CLEC5A: variants seen among roughly 807,000 people sequenced by gnomAD.
CLEC5A encodes the protein C-type lectin domain family 5 member A.
Under a neutral mutation model 24.4 loss-of-function variants are expected in CLEC5A, and 15 were observed. The observed-to-expected ratio is 0.62, with a 90% CI of 0.41 to 0.95. CLEC5A has a LOEUF of 0.95. Ranked by LOEUF, CLEC5A falls within the 40% of genes least tolerant of loss-of-function variation. CLEC5A has a pLI of 0.00. For missense variants in CLEC5A, 211 were observed against 224.0 expected, an observed-to-expected ratio of 0.94 and a Z score of 0.37; for synonymous variants, 71 against 72.6, an observed-to-expected ratio of 0.98 and a Z score of 0.11.
intron 5 of CLEC5A, among the ~76,000 whole-genome samples, chr7:141,934,123 T>A (rs1326165516): frequency 1.3e-5 from 2 of 152,184 alleles, no homozygotes; most frequent in African/African-American, 4.8e-5. Context: ...ACCTGACATA[T>A]GCCATGCTAG....
At position 141,929,468 on chromosome 7, in the gene CLEC5A, T is replaced by G. The variant is rs1353412262; in HGVS notation, c.*636A>C. On this transcript the variant is annotated 3_prime_UTR_variant, in exon 7 of 7. Transcript: ENST00000546910. ...TGCTGAAGAACAGAAATCTAGTGTGTTTGGCTCCCTTGGCTGCCTGGTTTT... is the reference window on the plus strand; with the variant it reads ...TGCTGAAGAACAGAAATCTAGTGTGGTTGGCTCCCTTGGCTGCCTGGTTTT... 1 of 152,240 alleles carries G rather than the reference T, an allele frequency of 6.6e-6. No individual in the cohort carries two copies. The highest frequency in any genetic ancestry group is 1.5e-5 in the Non-Finnish European group (1 of 68,100). 9.4% of individuals were successfully genotyped at this position (152,240 alleles called of 1,614,324 possible).
chr7:141,944,398 T>C lies in CLEC5A; in HGVS notation c.140-434A>G, dbSNP rs543531568. 5.3e-4 allele frequency among the ~76,000 whole-genome samples: 80 copies of C among 152,308 alleles called. 1 individual carries two copies. The highest frequency in any genetic ancestry group is 1.9e-3 in the African/African-American group (79 of 41,570). On this transcript the variant is annotated intron_variant, in intron 3 of 6. Coordinates refer to ENST00000546910, the MANE Select transcript of CLEC5A (RefSeq NM_013252.3). ...TCTACTTCTGGTGTCCCAGATTCAG[T>C]ATGAAAATTCATAATCCTGGGCAAC...
At chr7:141,941,991 TG>T (rs1802807056) in intron 4 of CLEC5A, among the ~76,000 whole-genome samples, 1 of 151,986 alleles carries the variant, frequency 6.6e-6, no homozygotes, top group African/African-American at 2.4e-5. Context: ...ATTGTTAAAA[TG>T]TCCACTCTAC....
At position 141,929,947 on chromosome 7, in the gene CLEC5A, A is replaced by G; in HGVS notation, c.*157T>C. On this transcript the variant is annotated 3_prime_UTR_variant, in exon 7 of 7. Transcript: ENST00000546910. ...ATCCTGTCTCCTGGAGATGGCTAGCATCCAGTCCCCCAGTGCAGAAGAAAG... is the reference window on the plus strand; with the variant it reads ...ATCCTGTCTCCTGGAGATGGCTAGCGTCCAGTCCCCCAGTGCAGAAGAAAG... 2 of 596,344 alleles carry G rather than the reference A, an allele frequency of 3.4e-6. No homozygotes were observed. Among genetic ancestry groups the G allele is most frequent in the Middle Eastern group, 2.7e-4 (1 of 3,746 alleles). The allele number at this position is 596,344 out of a possible 1,614,324, so 36.9% of individuals were successfully genotyped here.
At position 141,927,908 on chromosome 7, in the gene CLEC5A, A is replaced by G. The variant is rs1802344459; in HGVS notation, c.*2196T>C. On this transcript the variant is annotated 3_prime_UTR_variant, in exon 7 of 7. Coordinates refer to ENST00000546910, the MANE Select transcript of CLEC5A (RefSeq NM_013252.3). Reference sequence around the variant, plus strand: ...GATACATAGAGGAATGTTATTTAATATGTGCAATAATTTTTTGAGATAGGT... The same window carrying G: ...GATACATAGAGGAATGTTATTTAATGTGTGCAATAATTTTTTGAGATAGGT... 1 of 152,242 alleles carries G rather than the reference A, an allele frequency of 6.6e-6. No individual in the cohort carries two copies. The highest frequency in any genetic ancestry group is 2.1e-4 in the South Asian group (1 of 4,834). 9.4% of individuals were successfully genotyped at this position (152,242 alleles called of 1,614,324 possible).
At chr7:141,942,587 C>T (rs552499847) in intron 4 of CLEC5A, among the ~76,000 whole-genome samples, 1 of 152,034 alleles carries the variant, frequency 6.6e-6, no homozygotes, top group South Asian at 2.1e-4. Context: ...ATCATATCAA[C>T]TTAAAAAAGC....
chr7:141,935,718 T>TCCTTC, intron 5 of CLEC5A, 96 bp downstream of exon 5: 1 of 1,072,362 alleles, frequency 9.3e-7, no homozygotes. Context: ...CATTCCTCAC[T>TCCTTC]CCATCCCATC....
chr7:141,942,132 G>A (rs575115005), intron 4 of CLEC5A, among the ~76,000 whole-genome samples: 1 of 151,956 alleles, frequency 6.6e-6, no homozygotes, highest in African/African-American at 2.4e-5. Context: ...GCTATCCTAA[G>A]CAAAAAAATA....
At chr7:141,939,414 TC>T (rs1456344217) in intron 4 of CLEC5A, among the ~76,000 whole-genome samples, 4 of 151,112 alleles carry the variant, frequency 2.6e-5, no homozygotes, top group Admixed American at 6.6e-5. Context: ...TAACCTTGAA[TC>T]AAAAAATATA....
intron 5 of CLEC5A, among the ~76,000 whole-genome samples, chr7:141,933,245 A>G (rs1431370295): frequency 6.6e-6 from 1 of 152,102 alleles, no homozygotes; most frequent in Non-Finnish European, 1.5e-5. Flanking sequence ...GTTTTTCTAG[A>G]ATGATAGATG....
intron 5 of CLEC5A, among the ~76,000 whole-genome samples, chr7:141,934,315 G>A (rs893272803): frequency 4.6e-5 from 7 of 152,312 alleles, no homozygotes; most frequent in African/African-American, 1.7e-4. Flanking sequence ...TTGGCATAGA[G>A]AGAAAAGGAC....
chr7:141,941,457 C>A (rs1802794613), intron 4 of CLEC5A, among the ~76,000 whole-genome samples: 1 of 152,006 alleles, frequency 6.6e-6, no homozygotes, highest in African/African-American at 2.4e-5. Flanking sequence ...TATGACAGAC[C>A]TACAGCCAGC....
chr7:141,945,028 C>A (rs7793342), intron 3 of CLEC5A, among the ~76,000 whole-genome samples: 11,013 of 152,162 alleles, frequency 0.072, 627 homozygotes, highest in South Asian at 0.18. Context: ...CTGGTTTAAT[C>A]GGGAGAGGAG....
rs1754766896 is a variant in CLEC5A at position 141,945,364 on chromosome 7, G to A, written c.116C>T (p.Thr39Ile). ...ACCTGTTCCATAGCTCCTGGTGGTG[G>A]TGAAACCATCGTTACTTTTGTTAAA... is the stretch of plus-strand genomic sequence containing the variant. Reference protein sequence around the residue: ...QIFNKSNDGFTTTRSYGTVSQ... With the variant: ...QIFNKSNDGFITTRSYGTVSQ... The change falls in exon 3 of 7, where the codon ACC (threonine) becomes ATC (isoleucine). Residue 39 changes from threonine to isoleucine, a missense_variant. By Grantham distance (89) the Thr-to-Ile change is moderately conservative. Coordinates refer to ENST00000546910, the MANE Select transcript of CLEC5A (RefSeq NM_013252.3). 1.2e-6 allele frequency: 2 copies of A among 1,612,988 alleles called. No individual in the cohort carries two copies. The highest frequency in any genetic ancestry group is 1.3e-5 in the African/African-American group (1 of 74,996).
rs199839387 is a variant in CLEC5A, at chr7:141,930,186, G to C, written c.485C>G (p.Ala162Gly). 1.2e-6 allele frequency: 2 copies of C among 1,613,676 alleles called. No homozygotes were observed. Among genetic ancestry groups the C allele is most frequent in the Non-Finnish European group, 8.5e-7 (1 of 1,179,800 alleles). Residue 162 changes from alanine to glycine, a missense_variant, in exon 7 of 7, where the codon GCG becomes GGG. By Grantham distance (60) the Ala-to-Gly change is moderately conservative. Coordinates refer to ENST00000546910, the MANE Select transcript of CLEC5A (RefSeq NM_013252.3). ...AAATGTCTTTGTTAGGCCAATGGTC[G>C]CACAGTTGAAATTCTGATTCTGATT... Reference protein sequence around the residue: ...VTNQNQNFNCATIGLTKTFDA... With the variant: ...VTNQNQNFNCGTIGLTKTFDA...
chr7:141,943,907 C>G lies in CLEC5A; in HGVS notation c.197G>C (p.Ser66Thr). 6.2e-7 allele frequency: 1 copy of G among 1,608,978 alleles called. No homozygotes were observed. The highest frequency in any genetic ancestry group is 8.5e-7 in the Non-Finnish European group (1 of 1,175,636). Residue 66 changes from serine (S) to threonine (T), a missense_variant, in exon 4 of 7, where the codon AGC becomes ACC. Physicochemically the swap from Ser to Thr is moderately conservative, Grantham distance 58. Coordinates refer to ENST00000546910, the MANE Select transcript of CLEC5A (RefSeq NM_013252.3). ...ATCATGCACTTTACCTGTTCCATAG[C>G]TCCTTGTGGTAATGAAGCCGTTGGG... ...PSPNGFITTR[S>T]YGTVCPKDWE... is the part of the protein sequence containing the mutation.
intron 4 of CLEC5A, among the ~76,000 whole-genome samples, chr7:141,941,775 T>C (rs1584852379): frequency 6.6e-6 from 1 of 152,006 alleles, no homozygotes; most frequent in East Asian, 1.9e-4. Flanking sequence ...AGCATTTCTA[T>C]ATGCCAACAG....
chr7:141,943,392 A>C (rs942825842), intron 4 of CLEC5A, among the ~76,000 whole-genome samples: 3 of 152,090 alleles, frequency 2.0e-5, no homozygotes, highest in African/African-American at 7.2e-5. Flanking sequence ...ACTCATGGAG[A>C]TAGAGCATAG....
chr7:141,944,097 T>C (rs1802881569), intron 3 of CLEC5A, 133 bp from the exon 4 acceptor site: 2 of 566,794 alleles, frequency 3.5e-6, no homozygotes, highest in East Asian at 2.9e-5. Flanking sequence ...AGCTAGAACA[T>C]TTCAAATAAT....
Sources: allele counts gnomAD v4.1 joint callset (sites outside exome capture counted in the v4.1 genomes callset), GRCh38; gene constraint gnomAD v4.1.1; transcripts MANE v1.5; gene names NCBI Gene and HGNC (gene_info 2026-07-23, HGNC 2026-07-21).